The following FARS2 variants were observed in gnomAD, a reference collection of about 807,000 sequenced individuals.
FARS2 encodes the protein phenylalanyl-tRNA synthetase 2, mitochondrial, also known as phenylalanine--tRNA ligase, mitochondrial.
A neutral mutation model predicts 46.4 loss-of-function variants in FARS2; 40 were observed. The ratio of observed to expected loss-of-function variants is 0.86; its 90% CI spans 0.67 to 1.12. FARS2 has a LOEUF of 1.12. Among genes scored for constraint, FARS2 ranks in the 50% most tolerant of loss-of-function variants. The pLI is 0.00. For missense variants in FARS2, 513 were observed against 567.9 expected (o/e 0.90, Z 0.98); for synonymous variants, 234 against 214.9 (o/e 1.09, Z -0.78).
intron 3 of FARS2, among the ~76,000 whole-genome samples, chr6:5,416,187 G>A (rs1353573983): frequency 6.6e-6 from 1 of 152,098 alleles, no homozygotes; most frequent in African/African-American, 2.4e-5. Flanking sequence ...TTATGCTTTT[G>A]ATATTGTTTC....
chr6:5,578,617 G>T (rs1183227066), intron 5 of FARS2, among the ~76,000 whole-genome samples: 2 of 151,940 alleles, frequency 1.3e-5, no homozygotes, highest in African/African-American at 4.8e-5. Context: ...ACACCATCCT[G>T]GCTAACACAG....
chr6:5,603,838 C>CT (rs1774677946), intron 5 of FARS2, among the ~76,000 whole-genome samples: 2 of 152,266 alleles, frequency 1.3e-5, no homozygotes, highest in African/African-American at 4.8e-5. Flanking sequence ...CCCACATTAT[C>CT]TTTTTTTGGG....
At chr6:5,315,761 T>TCTTCCTTTCTTTCTTTCTTTCTTTCTTCC (rs1561952069) in intron 1 of FARS2, among the ~76,000 whole-genome samples, 1 of 132,644 alleles carries the variant, frequency 7.5e-6, no homozygotes, top group East Asian at 2.1e-4. Context: ...TTTCTTTCTT[T>TCTTCCTTTCTTTCTTTCTTTCTTTCTTCC]TTTTTGGGGA....
chr6:5,260,674 GCT>G (rs1169773782), upstream of FARS2: 8 of 1,548,452 alleles, frequency 5.2e-6, no homozygotes, highest in African/African-American at 5.5e-5. Flanking sequence ...TGAAACGCTT[GCT>G]CTCTCTCAGC....
At chr6:5,625,533 A>G (rs79321452) in intron 6 of FARS2, among the ~76,000 whole-genome samples, 1,883 of 152,210 alleles carry the variant, frequency 0.012, 29 homozygotes, top group African/African-American at 0.043. Context: ...ATGTGCACAG[A>G]TGTCTGCCAG....
intron 4 of FARS2, among the ~76,000 whole-genome samples, chr6:5,533,148 C>G (rs986995842): frequency 6.6e-6 from 1 of 152,006 alleles, no homozygotes; most frequent in African/African-American, 2.4e-5. Flanking sequence ...CGACGCTGTG[C>G]CTGCTGGTGC....
At chr6:5,404,172 C>G (rs978356430) in intron 2 of FARS2, among the ~76,000 whole-genome samples, 2 of 152,180 alleles carry the variant, frequency 1.3e-5, no homozygotes, top group South Asian at 4.1e-4. Flanking sequence ...TTTAATTCCT[C>G]GACACTGTGG....
intron 4 of FARS2, among the ~76,000 whole-genome samples, chr6:5,535,671 C>T (rs1432571244): frequency 6.6e-6 from 1 of 152,148 alleles, no homozygotes; most frequent in Non-Finnish European, 1.5e-5. Context: ...GGGTTTTTCA[C>T]ACATTGTCTT....
chr6:5,567,330 G>A (rs1488094875), intron 5 of FARS2, among the ~76,000 whole-genome samples: 1 of 151,934 alleles, frequency 6.6e-6, no homozygotes, highest in Non-Finnish European at 1.5e-5. Flanking sequence ...ATGTCCTTTC[G>A]AGTACTTTGC....
the FARS2 span, among the ~76,000 whole-genome samples, chr6:5,254,276 C>T: frequency 0.29 from 43,615 of 152,126 alleles, 7,891 homozygotes; most frequent in African/African-American, 0.51. Flanking sequence ...CGCTAACCAA[C>T]TTCCACTTCT....
chr6:5,569,810 C>G (rs1219952609), intron 5 of FARS2, among the ~76,000 whole-genome samples: 1 of 152,016 alleles, frequency 6.6e-6, no homozygotes, highest in East Asian at 1.9e-4. Context: ...TGAGCAAGCA[C>G]TGGCATGGGT....
At chr6:5,386,504 AG>A (rs1409587990) in intron 2 of FARS2, among the ~76,000 whole-genome samples, 2 of 152,214 alleles carry the variant, frequency 1.3e-5, no homozygotes, top group African/African-American at 4.8e-5. Context: ...GGAATGGAGC[AG>A]GGTCAGGCAA....
chr6:5,529,955 T>C (rs955615294), intron 4 of FARS2, among the ~76,000 whole-genome samples: 4 of 152,180 alleles, frequency 2.6e-5, no homozygotes, highest in Admixed American at 1.3e-4. Context: ...ACACCAGACA[T>C]GTGAGTTCCG....
the FARS2 span, among the ~76,000 whole-genome samples, chr6:5,252,713 G>C: frequency 6.6e-6 from 1 of 152,088 alleles, no homozygotes; most frequent in Non-Finnish European, 1.5e-5. Flanking sequence ...CAAAAGCAGA[G>C]TCCTCCTGGA....
At chr6:5,631,687 C>T (rs946410337) in intron 6 of FARS2, among the ~76,000 whole-genome samples, 10 of 152,176 alleles carry the variant, frequency 6.6e-5, no homozygotes, top group Admixed American at 4.6e-4. Context: ...AAGTGGAGGT[C>T]GGAAATTGAA....
rs543509952 is a variant in FARS2, at chr6:5,349,518, G to A, written c.-21-19032G>A. Among the ~76,000 whole-genome samples, 3 of 152,158 alleles carry A rather than the reference G, an allele frequency of 2.0e-5. No homozygotes were observed. The East Asian group carries it at 5.8e-4, about 29-fold the overall frequency. On this transcript the variant is annotated intron_variant, in intron 1 of 6. Transcript: ENST00000274680. ...TTAAACTTACTAACTTTCAACCCTT[G>A]AGTACTTTTTAGAAATGTATATAAA...
chr6:5,533,740 G>C (rs2150464513), intron 4 of FARS2, among the ~76,000 whole-genome samples: 1 of 152,324 alleles, frequency 6.6e-6, no homozygotes, highest in Middle Eastern at 3.4e-3. Flanking sequence ...ATGGCTGGGA[G>C]ACCTCACTGA....
intron 4 of FARS2, among the ~76,000 whole-genome samples, chr6:5,536,603 A>T (rs765088832): frequency 9.9e-5 from 15 of 152,218 alleles, no homozygotes; most frequent in Non-Finnish European, 2.2e-4. Context: ...AAATCAAAAT[A>T]AATATTATAT....
chr6:5,586,910 T>G (rs1773642076), intron 5 of FARS2, among the ~76,000 whole-genome samples: 1 of 152,190 alleles, frequency 6.6e-6, no homozygotes, highest in African/African-American at 2.4e-5. Context: ...GAAGACTGAT[T>G]ATAATATATT....
Sources: allele counts gnomAD v4.1 joint callset (sites outside exome capture counted in the v4.1 genomes callset), GRCh38; gene constraint gnomAD v4.1.1; transcripts MANE v1.5; gene names NCBI Gene and HGNC (gene_info 2026-07-23, HGNC 2026-07-21).